Variants in PCDHA5 observed in about 807,000 individuals in gnomAD.
PCDHA5 encodes the protein protocadherin alpha-5.
A neutral mutation model predicts 61.6 loss-of-function variants in PCDHA5; 43 were observed. The ratio of observed to expected loss-of-function variants is 0.70; its 90% confidence interval spans 0.55 to 0.90. The LOEUF (loss-of-function observed/expected upper bound fraction) is 0.90, where lower values mean the gene tolerates loss of function less well. PCDHA5 is among the 40% of genes least tolerant of loss of function. PCDHA5 has a pLI of 0.00. For synonymous variants in PCDHA5, 627 were observed against 543.9 expected (o/e 1.15, Z -2.13); for missense variants, 1,298 against 1,222.7 (o/e 1.06, Z -0.92).
chr5:140,928,821 C>A (rs2085565750), intron 1 of PCDHA5: 3 of 1,614,142 alleles, frequency 1.9e-6, no homozygotes, highest in Non-Finnish European at 2.5e-6. Context: ...ACCATGGAGA[C>A]CCACCACTTT....
chr5:140,974,481 A>T (rs1017520033), intron 1 of PCDHA5, among the ~76,000 whole-genome samples: 4 of 152,178 alleles, frequency 2.6e-5, no homozygotes, highest in Non-Finnish European at 5.9e-5. Context: ...TTCCACCCAG[A>T]ATTCTCAAAT....
rs2150249126 is a variant in PCDHA5, at chr5:140,835,958, C to G, written c.2352+11831C>G. 96 of 1,612,940 alleles carry G rather than the reference C, an allele frequency of 6.0e-5. 1 individual carries two copies. The highest frequency in any genetic ancestry group is 7.7e-5 in the Non-Finnish European group (91 of 1,179,702). On this transcript the variant is annotated intron_variant, in intron 1 of 3. Transcript: ENST00000529859. ...TGTACGCGCTGCAGCCGTTGGACCA[C>G]GAGGAGCTGGAGCTGTTGCAGTTCC...
intron 1 of PCDHA5, chr5:140,857,907 C>G (rs1250345336): frequency 1.3e-6 from 2 of 1,597,680 alleles, no homozygotes. Flanking sequence ...GCACGCATCC[C>G]GTTTCGCGTG....
chr5:140,890,870 T>A (rs1217710440), intron 1 of PCDHA5, among the ~76,000 whole-genome samples: 1 of 152,226 alleles, frequency 6.6e-6, no homozygotes, highest in Non-Finnish European at 1.5e-5. Flanking sequence ...CTTGCCCCTC[T>A]GACCTTTCAT....
intron 1 of PCDHA5, among the ~76,000 whole-genome samples, chr5:140,970,867 G>A (rs1207924606): frequency 6.6e-6 from 1 of 152,124 alleles, no homozygotes; most frequent in Non-Finnish European, 1.5e-5. Flanking sequence ...ATTCCTGATT[G>A]AGAGTAGATT....
intron 1 of PCDHA5, among the ~76,000 whole-genome samples, chr5:140,919,272 T>C (rs1287919874): frequency 6.6e-6 from 1 of 152,258 alleles, no homozygotes; most frequent in Non-Finnish European, 1.5e-5. Context: ...GTGTAGTCAC[T>C]CCAGCTATCT....
intron 1 of PCDHA5, chr5:140,870,336 C>T (rs782392888): frequency 2.3e-5 from 37 of 1,614,034 alleles, no homozygotes; most frequent in Non-Finnish European, 2.9e-5. Flanking sequence ...TGGACAGCGC[C>T]CTGGACCGCG....
chr5:140,890,344 A>G (rs1482265903), intron 1 of PCDHA5, among the ~76,000 whole-genome samples: 1 of 152,196 alleles, frequency 6.6e-6, no homozygotes, highest in Admixed American at 6.5e-5. Context: ...GGGATGGTTT[A>G]CTATATAGCA....
At chr5:140,850,499 G>C (rs2150486529) in intron 1 of PCDHA5, 2 of 1,598,056 alleles carry the variant, frequency 1.3e-6, no homozygotes, top group East Asian at 2.2e-5. Flanking sequence ...TGCTGGTGTC[G>C]CTGGTGGAGA....
intron 1 of PCDHA5, chr5:140,865,754 C>T (rs1554159601): frequency 6.6e-6 from 1 of 152,144 alleles, no homozygotes; most frequent in East Asian, 1.9e-4. Context: ...AGTGCCAGTA[C>T]ATGGTGGAGA....
intron 1 of PCDHA5, chr5:140,928,545 T>C: frequency 6.2e-7 from 1 of 1,614,220 alleles, no homozygotes; most frequent in Non-Finnish European, 8.5e-7. Flanking sequence ...GGAATGACAA[T>C]TATCCGGTTA....
At chr5:140,919,124 A>G (rs1195742790) in intron 1 of PCDHA5, among the ~76,000 whole-genome samples, 1 of 151,996 alleles carries the variant, frequency 6.6e-6, no homozygotes, top group Non-Finnish European at 1.5e-5. Flanking sequence ...TTTTTGCTTC[A>G]TGTGTTTTGG....
At chr5:140,851,140 G>A in intron 1 of PCDHA5, 2 of 1,310,362 alleles carry the variant, frequency 1.5e-6, no homozygotes, top group East Asian at 5.4e-5. Context: ...TGATTAAAGT[G>A]ACATTGAATT....
intron 1 of PCDHA5, chr5:140,848,793 G>T: frequency 6.3e-7 from 1 of 1,592,844 alleles, no homozygotes; most frequent in African/African-American, 1.3e-5. Context: ...CGGGCGGAGC[G>T]CGGAGTGCAG....
chr5:140,827,867 C>G (rs1298214398), intron 1 of PCDHA5: 3 of 615,732 alleles, frequency 4.9e-6, no homozygotes, highest in Non-Finnish European at 8.5e-6. Flanking sequence ...TATGGTATAG[C>G]ACTGTTACGT....
intron 3 of PCDHA5, among the ~76,000 whole-genome samples, chr5:140,994,044 G>C (rs782758789): frequency 9.9e-5 from 15 of 152,240 alleles, no homozygotes; most frequent in Middle Eastern, 3.4e-3. Flanking sequence ...ATATAACACA[G>C]TCCTGCCCTT....
Position 140,823,308 on chromosome 5 carries a change from G to A in PCDHA5, c.1533G>A (p.Ala511=), listed in dbSNP as rs2150124552. ...RPLSSYVSVH[A]ESGKVYALQP... is the part of the protein sequence containing the mutation. Reference sequence around the variant, plus strand: ...TGTCGAGTTACGTTTCGGTGCACGCGGAGAGCGGCAAGGTGTACGCGCTGC... The same window carrying A: ...TGTCGAGTTACGTTTCGGTGCACGCAGAGAGCGGCAAGGTGTACGCGCTGC... Residue 511 remains alanine (A), a synonymous_variant, in exon 1 of 4, where the codon GCG becomes GCA. Transcript: ENST00000529859. The A allele has an allele frequency of 5.6e-6, 9 of 1,612,200 alleles. No homozygotes were observed. In the Admixed American group the frequency reaches 6.7e-5, roughly 12 times the overall value.
intron 3 of PCDHA5, among the ~76,000 whole-genome samples, chr5:140,992,388 G>A (rs2097508351): frequency 6.6e-6 from 1 of 152,120 alleles, no homozygotes; most frequent in Non-Finnish European, 1.5e-5. Context: ...TTGTGTTCTG[G>A]ACTTAGAGAT....
chr5:140,927,901 G>A lies in PCDHA5; in HGVS notation c.2353-51048G>A, dbSNP rs370478984. On this transcript the variant is annotated intron_variant, in intron 1 of 3. Transcript: ENST00000529859. ...GGAGGTGACTGACGTGAACGATCAT[G>A]CCCCCGAACTGGACTTCCTGACTCT... The A allele has an allele frequency of 6.2e-6, 10 of 1,614,084 alleles. No individual in the cohort carries two copies. Among genetic ancestry groups the A allele is most frequent in the Non-Finnish European group, 8.5e-6 (10 of 1,180,046 alleles).
Sources: allele counts gnomAD v4.1 joint callset (sites outside exome capture counted in the v4.1 genomes callset), GRCh38; gene constraint gnomAD v4.1.1; transcripts MANE v1.5; gene names NCBI Gene and HGNC (gene_info 2026-07-23, HGNC 2026-07-21).